Variants in KCNG3 observed in about 807,000 individuals in gnomAD.
KCNG3 encodes the protein potassium voltage-gated channel modifier subfamily G member 3, also known as voltage-gated potassium channel regulatory subunit KCNG3.
KCNG3 carries 15 observed loss-of-function variants against 29.0 expected under a neutral mutation model. The observed-to-expected ratio is 0.52, with a 90% CI of 0.35 to 0.80. The LOEUF (loss-of-function observed/expected upper bound fraction) is 0.80, where lower values mean the gene tolerates loss of function less well. Among genes scored for constraint, KCNG3 ranks in the 30% least tolerant of loss-of-function variants. KCNG3 has a pLI of 0.01. For missense variants in KCNG3, 512 were observed against 605.7 expected (o/e 0.85, Z 1.62); for synonymous variants, 322 against 248.9 (o/e 1.29, Z -2.76).
chr2:42,422,610 A>T, the KCNG3 span, among the ~76,000 whole-genome samples: 2 of 152,190 alleles, frequency 1.3e-5, no homozygotes, highest in Non-Finnish European at 2.9e-5. Flanking sequence ...AGACTCTGTT[A>T]TCTAAAGAAA....
chr2:42,465,535 A>C (rs1572852222), intron 1 of KCNG3, among the ~76,000 whole-genome samples: 1 of 152,150 alleles, frequency 6.6e-6, no homozygotes, highest in East Asian at 1.9e-4. Context: ...TTTTAGAAGA[A>C]AACACAGGAG....
At chr2:42,455,163 T>C (rs1672848138) in intron 1 of KCNG3, among the ~76,000 whole-genome samples, 1 of 152,220 alleles carries the variant, frequency 6.6e-6, no homozygotes, top group South Asian at 2.1e-4. Context: ...TTATGTTCTT[T>C]ATATTTTGTA....
chr2:42,485,420 C>T (rs1342254909), intron 1 of KCNG3, among the ~76,000 whole-genome samples: 1 of 151,332 alleles, frequency 6.6e-6, no homozygotes. Flanking sequence ...TCAGAAGTCA[C>T]AACTTCTCAA....
At position 42,487,112 on chromosome 2, in the gene KCNG3, G is replaced by A. The variant is rs569056280; in HGVS notation, c.665+5725C>T. Among the ~76,000 whole-genome samples the A allele has an allele frequency of 8.7e-4, 126 of 145,646 alleles. 1 individual carries two copies. The highest frequency in any genetic ancestry group is 3.0e-3 in the African/African-American group (120 of 39,452). On this transcript the variant is annotated intron_variant, in intron 1 of 1. Transcript: ENST00000306078. ...GCAGAGGTTGCAGTGAGCTGAGATC[G>A]TGCCACTGCACTCCAGCCTGGGTGA...
chr2:42,400,725 T>A, the KCNG3 span, among the ~76,000 whole-genome samples: 5 of 152,148 alleles, frequency 3.3e-5, no homozygotes, highest in Non-Finnish European at 5.9e-5. Context: ...AGAAAAGTCT[T>A]GGACCTGCCG....
the KCNG3 span, among the ~76,000 whole-genome samples, chr2:42,412,842 A>C: frequency 6.6e-6 from 1 of 152,136 alleles, no homozygotes; most frequent in Non-Finnish European, 1.5e-5. Flanking sequence ...CCAGCTACTC[A>C]GTTTTCTTCC....
chr2:42,400,041 C>T, the KCNG3 span, among the ~76,000 whole-genome samples: 12 of 152,050 alleles, frequency 7.9e-5, no homozygotes, highest in South Asian at 4.2e-4. Context: ...CCTGGAAGGT[C>T]GCGGCTGCAG....
At chr2:42,435,771 C>T in the KCNG3 span, among the ~76,000 whole-genome samples, 29,294 of 152,022 alleles carry the variant, frequency 0.19, 3,426 homozygotes, top group African/African-American at 0.34. Context: ...GTGGAGAAAC[C>T]GGAACCTTCA....
rs559663423 is a variant in KCNG3 at position 42,472,978 on chromosome 2, T to C, written c.665+19859A>G. On this transcript the variant is annotated intron_variant, in intron 1 of 1. Coordinates refer to ENST00000306078, the MANE Select transcript of KCNG3 (RefSeq NM_133329.6). The stretch of plus-strand genomic sequence containing the variant: ...GTGCAGTGGCGCAATCTCGGCTCAC[T>C]GCAAGCTCCGCCTCCCAGGTTCACG... 3.7e-3 allele frequency among the ~76,000 whole-genome samples: 550 copies of C among 148,620 alleles called. 5 individuals carry two copies. Among genetic ancestry groups the C allele is most frequent in the African/African-American group, 0.012 (486 of 40,312 alleles).
intron 1 of KCNG3, among the ~76,000 whole-genome samples, chr2:42,473,203 A>G (rs1184099121): frequency 3.3e-5 from 5 of 151,938 alleles, no homozygotes; most frequent in African/African-American, 7.3e-5. Flanking sequence ...GCCCTCAACA[A>G]TATTTTTAAT....
intron 1 of KCNG3, among the ~76,000 whole-genome samples, chr2:42,490,882 C>T (rs1474676098): frequency 6.6e-6 from 1 of 152,146 alleles, no homozygotes; most frequent in Non-Finnish European, 1.5e-5. Context: ...AGGTTAAGGG[C>T]CCTCTCTGTT....
Position 42,444,309 on chromosome 2 carries a change from G to C in KCNG3, c.936C>G (p.Leu312=). The C allele has an allele frequency of 6.2e-7, 1 of 1,614,200 alleles. No individual in the cohort carries two copies. The highest frequency in any genetic ancestry group is 8.5e-7 in the Non-Finnish European group (1 of 1,180,048). ...GGTAGCAACGTTTGAGAGTCAAACCGAGTGTCTGAAGACCAATGAAGTGAC... is the reference window on the plus strand; with the variant it reads ...GGTAGCAACGTTTGAGAGTCAAACCCAGTGTCTGAAGACCAATGAAGTGAC... The part of the protein sequence containing the change: ...LARHFIGLQT[L]GLTLKRCYRE... Residue 312 remains leucine, a synonymous_variant, in exon 2 of 2, where the codon CTC becomes CTG. Coordinates refer to ENST00000306078, the MANE Select transcript of KCNG3 (RefSeq NM_133329.6). This position sits in a 1 kb window ranked among gnomAD's most constrained non-coding sequence, Gnocchi z 5.8.
chr2:42,424,053 C>CA, the KCNG3 span, among the ~76,000 whole-genome samples: 4 of 152,186 alleles, frequency 2.6e-5, no homozygotes, highest in African/African-American at 9.6e-5. Context: ...TCAAGACCCC[C>CA]ACCTCCAGCT....
the KCNG3 span, among the ~76,000 whole-genome samples, chr2:42,419,070 T>A: frequency 6.6e-6 from 1 of 152,024 alleles, no homozygotes; most frequent in African/African-American, 2.4e-5. Flanking sequence ...AGTAAAATGC[T>A]ACCCTTGTGT....
the KCNG3 span, among the ~76,000 whole-genome samples, chr2:42,414,109 A>T: frequency 2.0e-5 from 3 of 152,162 alleles, no homozygotes; most frequent in East Asian, 5.8e-4. Context: ...TGTTGTTGTT[A>T]TTATAATTAT....
At chr2:42,429,361 AC>A in the KCNG3 span, among the ~76,000 whole-genome samples, 1,452 of 152,138 alleles carry the variant, frequency 9.5e-3, 10 homozygotes, top group East Asian at 0.034. Context: ...TCAAACACTC[AC>A]CCTTCTAGAG....
At chr2:42,449,753 G>C (rs62144765) in intron 1 of KCNG3, among the ~76,000 whole-genome samples, 269 of 152,170 alleles carry the variant, frequency 1.8e-3, no homozygotes, top group Non-Finnish European at 3.1e-3. Flanking sequence ...ACCCAGCCTG[G>C]GATTTCTAAA....
At chr2:42,477,012 C>T (rs1419369854) in intron 1 of KCNG3, among the ~76,000 whole-genome samples, 2 of 146,756 alleles carry the variant, frequency 1.4e-5, no homozygotes, top group African/African-American at 2.5e-5. Context: ...GGTGAAACCC[C>T]GTCTCTACTA....
chr2:42,416,754 G>A, the KCNG3 span, among the ~76,000 whole-genome samples: 17 of 150,688 alleles, frequency 1.1e-4, no homozygotes, highest in East Asian at 2.5e-3. Flanking sequence ...GTAGGCAGAC[G>A]TTGCAGCGAG....
Sources: allele counts gnomAD v4.1 joint callset (sites outside exome capture counted in the v4.1 genomes callset), GRCh38; gene constraint gnomAD v4.1.1; non-coding constraint Gnocchi (gnomAD v3.1); transcripts MANE v1.5; gene names NCBI Gene and HGNC (gene_info 2026-07-23, HGNC 2026-07-21).